The following AGBL5 variants were observed in gnomAD, a reference collection of about 807,000 sequenced individuals.
AGBL5 encodes the protein AGBL carboxypeptidase 5.
Under a neutral mutation model 88.0 loss-of-function variants are expected in AGBL5, and 51 were observed. The observed-to-expected ratio is 0.58, with a 90% CI of 0.46 to 0.73. The LOEUF (loss-of-function observed/expected upper bound fraction) is 0.73, where lower values mean the gene tolerates loss of function less well. AGBL5 is among the 30% of genes least tolerant of loss of function. The pLI is 0.00. For synonymous variants in AGBL5, 446 were observed against 438.8 expected (o/e 1.02, Z -0.21); for missense variants, 1,031 against 1,162.2 (o/e 0.89, Z 1.64).
At chr2:27,050,751 G>C (rs975765254), upstream of AGBL5, among the ~76,000 whole-genome samples, 4 of 152,178 alleles carry the variant, frequency 2.6e-5, no homozygotes, top group South Asian at 2.1e-4. Context: ...AAGCATTAGA[G>C]GGCTATCAGC....
In AGBL5 at chr2:27,053,159, T is replaced by C; in HGVS notation, c.201T>C (p.Phe67=). 1.9e-6 allele frequency: 3 copies of C among 1,598,532 alleles called. No homozygotes were observed. Among genetic ancestry groups the C allele is most frequent in the Non-Finnish European group, 2.6e-6 (3 of 1,170,916 alleles). Residue 67 remains phenylalanine, a synonymous_variant, in exon 2 of 15, where the codon TTT becomes TTC. Coordinates refer to ENST00000360131, the MANE Select transcript of AGBL5 (RefSeq NM_021831.6). This position sits in a 1 kb window ranked among gnomAD's most constrained non-coding sequence, Gnocchi z 4.9. The part of the protein sequence containing the change: ...WTRPDCAETE[F]ENGNRSWFYF... ...GACCAGACTGTGCTGAAACGGAATT[T>C]GAGAATGGGAACAGGTATATGGAAC...
At position 27,070,213 on chromosome 2, in the gene AGBL5, GT is replaced by G; in HGVS notation, c.2614del (p.Cys872ValfsTer9). 6.2e-7 allele frequency: 1 copy of G among 1,614,218 alleles called. No individual in the cohort carries two copies. Among genetic ancestry groups the G allele is most frequent in the Non-Finnish European group, 8.5e-7 (1 of 1,180,030 alleles). ...CAGGGGTCCCTTGGGCCAACCTGAG[GT>G]TTGTTTTGTCCCTAAATCTCCCCCA... is the stretch of plus-strand genomic sequence containing the variant. ...YSRGPLGQPE[V>X]CFVPKSPPLT... On this transcript the variant is annotated frameshift_variant, in exon 15 of 15. Transcript: ENST00000360131. LOFTEE classifies it high-confidence loss of function.
In AGBL5 at chr2:27,070,507, T is replaced by G. The variant is rs1290693807; in HGVS notation, c.*244T>G. On this transcript the variant is annotated 3_prime_UTR_variant, in exon 15 of 15. Coordinates refer to ENST00000360131, the MANE Select transcript of AGBL5 (RefSeq NM_021831.6). ...ACAAAAAAAAGTCTATATTTTTATA[T>G]TGGGGGGAGGGAGTAGAAAAGCAAG... The G allele has an allele frequency of 2.0e-6, 1 of 490,798 alleles. No individual in the cohort carries two copies. The highest frequency in any genetic ancestry group is 3.6e-6 in the Non-Finnish European group (1 of 273,980). The allele number at this position is 490,798 out of a possible 1,614,324, so 30.4% of individuals were successfully genotyped here. A position where few individuals can be genotyped will look rare whatever the true frequency, so the allele number is the denominator to read the frequency against.
chr2:27,057,503 T>C (rs897536225), intron 9 of AGBL5, 65 bp downstream of exon 9: 1 of 1,515,514 alleles, frequency 6.6e-7, no homozygotes, highest in Non-Finnish European at 8.9e-7. Context: ...CCTTCACTCT[T>C]AGTGCCTGAC....
chr2:27,064,807 T>C (rs1668904929), intron 11 of AGBL5, among the ~76,000 whole-genome samples: 1 of 128,618 alleles, frequency 7.8e-6, no homozygotes, highest in Non-Finnish European at 1.6e-5. Flanking sequence ...CAGGCTGGAG[T>C]GCAGTGGCCG....
intron 8 of AGBL5, 160 bp downstream of exon 8, chr2:27,056,952 T>C (rs2018138): frequency 0.99 from 744,197 of 754,378 alleles, 367,754 homozygotes; most frequent in East Asian, 1. Flanking sequence ...GCCGAGATCG[T>C]GCCATTGCAC....
intron 11 of AGBL5, among the ~76,000 whole-genome samples, chr2:27,066,051 G>C (rs1327929229): frequency 6.6e-6 from 1 of 152,114 alleles, no homozygotes; most frequent in Non-Finnish European, 1.5e-5. Context: ...TTGAGCCCAT[G>C]AGTTCCAGAC....
In AGBL5 at chr2:27,055,960, AAC is replaced by A; in HGVS notation, c.1189_1190del (p.Gln397GlufsTer16). On this transcript the variant is annotated frameshift_variant, in exon 7 of 15. Coordinates refer to ENST00000360131, the MANE Select transcript of AGBL5 (RefSeq NM_021831.6). LOFTEE classifies it high-confidence loss of function. ...GCCTGGAAACAAACAGAGCCAGCAG[AAC>A]AGAAGCTCAACAGTGTGTGGATTAT... 1 of 1,614,250 alleles carries A rather than the reference AAC, an allele frequency of 6.2e-7. No homozygotes were observed. Among genetic ancestry groups the A allele is most frequent in the Non-Finnish European group, 8.5e-7 (1 of 1,180,042 alleles).
intron 11 of AGBL5, among the ~76,000 whole-genome samples, chr2:27,065,714 C>A (rs1485267722): frequency 6.6e-6 from 1 of 152,122 alleles, no homozygotes; most frequent in African/African-American, 2.4e-5. Flanking sequence ...GAGAAGAGAA[C>A]AATTAATGTT....
intron 11 of AGBL5, among the ~76,000 whole-genome samples, chr2:27,066,973 C>T (rs1301590805): frequency 6.6e-6 from 1 of 151,930 alleles, no homozygotes; most frequent in African/African-American, 2.4e-5. Flanking sequence ...ATCCCAGCTA[C>T]TCGGGAGCCT....
intron 11 of AGBL5, chr2:27,059,626 GGCTTCAGTGCAT>G: frequency 9.5e-7 from 1 of 1,049,860 alleles, no homozygotes; most frequent in Non-Finnish European, 1.3e-6. Flanking sequence ...TGGGTATCTG[GGCTTCAGTGCAT>G]GCTAGGAGCC....
Position 27,059,247 on chromosome 2 carries a change from C to T in AGBL5, c.1932C>T (p.Thr644=), listed in dbSNP as rs764953291. 2.0e-5 allele frequency: 32 copies of T among 1,614,064 alleles called. No homozygotes were observed. Among genetic ancestry groups the T allele is most frequent in the South Asian group, 7.7e-5 (7 of 91,096 alleles). ...NTLSRARSFS[T]GTSAGGSSSS... The stretch of plus-strand genomic sequence containing the variant: ...TGAGTCGGGCACGAAGTTTTAGCAC[C>T]GGCACAAGTGCCGGTGGTAGCAGCA... The change falls in exon 11 of 15, where the codon ACC becomes ACT. Residue 644 remains threonine, a synonymous_variant. Transcript: ENST00000360131.
rs778055520 is a variant in AGBL5, at chr2:27,054,745, C to T, written c.667C>T (p.Arg223Cys). Reference protein sequence around the residue: ...CHGLREDREPRLEQLFPDTST... With the variant: ...CHGLREDREPCLEQLFPDTST... The stretch of plus-strand genomic sequence containing the variant: ...TGGGCTTCGAGAAGATCGAGAGCCC[C>T]GTCTAGAGCAGCTATTTCCTGATAC... The change falls in exon 5 of 15, where the codon CGT becomes TGT. Residue 223 changes from arginine (R) to cysteine (C), a missense_variant. Transcript: ENST00000360131. 5 of 1,613,920 alleles carry T rather than the reference C, an allele frequency of 3.1e-6. No individual in the cohort carries two copies. The highest frequency in any genetic ancestry group is 1.7e-5 in the Admixed American group (1 of 60,010).
intron 11 of AGBL5, among the ~76,000 whole-genome samples, chr2:27,066,373 G>A (rs1272567121): frequency 6.6e-6 from 1 of 152,180 alleles, no homozygotes; most frequent in African/African-American, 2.4e-5. Flanking sequence ...TGAAGACAGG[G>A]AGAATGAAAG....
chr2:27,068,875 T>A (rs1430669752), intron 13 of AGBL5, 131 bp downstream of exon 13: 1 of 1,503,282 alleles, frequency 6.7e-7, no homozygotes, highest in Non-Finnish European at 8.9e-7. Context: ...AGAGAGCTTC[T>A]CTGGTGCCTG....
chr2:27,050,981 CGTAGTAT>C (rs1553336076), upstream of AGBL5: 1 of 152,202 alleles, frequency 6.6e-6, no homozygotes, highest in Non-Finnish European at 1.5e-5. Context: ...TAGGGAACAC[CGTAGTAT>C]GTAGTATACG....
chr2:27,055,679 C>G lies in AGBL5; in HGVS notation c.909-3C>G, dbSNP rs772125178. On this transcript the variant is annotated splice_region_variant and splice_polypyrimidine_tract_variant and intron_variant, in intron 6 of 14. Coordinates refer to ENST00000360131, the MANE Select transcript of AGBL5 (RefSeq NM_021831.6). ...ACCTGCTTCAGTCCTTGTTTTCCTA[C>G]AGCACAGACTCACGTGGAGTGAATC... The G allele has an allele frequency of 6.2e-7, 1 of 1,609,290 alleles. No individual in the cohort carries two copies. Among genetic ancestry groups the G allele is most frequent in the Non-Finnish European group, 8.5e-7 (1 of 1,176,626 alleles).
At position 27,054,209 on chromosome 2, in the gene AGBL5, A is replaced by T. The variant is rs1013307139; in HGVS notation, c.551+150A>T. The T allele has an allele frequency of 3.1e-5, 31 of 994,442 alleles. 1 individual carries two copies. In the Admixed American group the frequency reaches 5.5e-4, roughly 18 times the overall value. 61.6% of individuals were successfully genotyped at this position (994,442 alleles called of 1,614,324 possible). On this transcript the variant is annotated intron_variant, in intron 4 of 14. Coordinates refer to ENST00000360131, the MANE Select transcript of AGBL5 (RefSeq NM_021831.6). ...CAGACAGGACTTTGGGTACCTTTGA[A>T]AACTATGTTTCTGTATGACCCTGAT...
At chr2:27,054,214 A>G in intron 4 of AGBL5, 155 bp downstream of exon 4, 2 of 892,012 alleles carry the variant, frequency 2.2e-6, no homozygotes, top group Non-Finnish European at 1.6e-6. Flanking sequence ...TTTGAAAACT[A>G]TGTTTCTGTA....
Sources: allele counts gnomAD v4.1 joint callset (sites outside exome capture counted in the v4.1 genomes callset), GRCh38; gene constraint gnomAD v4.1.1; non-coding constraint Gnocchi (gnomAD v3.1); transcripts MANE v1.5; gene names NCBI Gene and HGNC (gene_info 2026-07-23, HGNC 2026-07-21).